Variants in CATSPERT observed in about 807,000 individuals in gnomAD.
CATSPERT encodes cation channel sperm-associated targeting subunit tau.
the CATSPERT span, chr2:201,603,329 G>C: frequency 4.0e-6 from 6 of 1,505,834 alleles, no homozygotes; most frequent in South Asian, 6.0e-5. Flanking sequence ...AAAGTTAACT[G>C]TTCTTTCACT....
At chr2:201,527,563 A>G in the CATSPERT span, among the ~76,000 whole-genome samples, 1 of 152,232 alleles carries the variant, frequency 6.6e-6, no homozygotes, top group Admixed American at 6.5e-5. Flanking sequence ...AAACAGACAC[A>G]TAGACCAATG....
the CATSPERT span, among the ~76,000 whole-genome samples, chr2:201,497,258 T>C: frequency 6.6e-6 from 1 of 152,226 alleles, no homozygotes; most frequent in Non-Finnish European, 1.5e-5. Flanking sequence ...CTCTGCAAGT[T>C]GCTCAATATT....
At chr2:201,614,514 G>C in the CATSPERT span, among the ~76,000 whole-genome samples, 1 of 152,192 alleles carries the variant, frequency 6.6e-6, no homozygotes, top group Non-Finnish European at 1.5e-5. Context: ...AATGCTGAGA[G>C]ATTTTGTCAC....
At chr2:201,531,270 A>G in the CATSPERT span, among the ~76,000 whole-genome samples, 1 of 151,840 alleles carries the variant, frequency 6.6e-6, no homozygotes, top group South Asian at 2.1e-4. Flanking sequence ...ACCCTGCAGT[A>G]TTTTTAACTA....
At chr2:201,532,019 C>T in the CATSPERT span, among the ~76,000 whole-genome samples, 3 of 152,132 alleles carry the variant, frequency 2.0e-5, no homozygotes, top group Non-Finnish European at 4.4e-5. Flanking sequence ...GCTTTTATAG[C>T]AGACAGGAGA....
chr2:201,618,927 C>A, the CATSPERT span: 1 of 1,613,898 alleles, frequency 6.2e-7, no homozygotes. Context: ...CGGTGCCCTC[C>A]TGGTTCTTGT....
chr2:201,616,630 C>A, the CATSPERT span, among the ~76,000 whole-genome samples: 5,130 of 152,262 alleles, frequency 0.034, 97 homozygotes, highest in Non-Finnish European at 0.042. Flanking sequence ...TGGAAGCATT[C>A]CCTTTGAAAA....
chr2:201,594,192 A>C, the CATSPERT span, among the ~76,000 whole-genome samples: 1 of 152,200 alleles, frequency 6.6e-6, no homozygotes, highest in African/African-American at 2.4e-5. Flanking sequence ...AAAATCTCTC[A>C]GCATTTGCTT....
the CATSPERT span, chr2:201,494,795 C>T: frequency 7.6e-6 from 11 of 1,455,208 alleles, no homozygotes; most frequent in African/African-American, 7.1e-5. Flanking sequence ...CATTTGGTAG[C>T]AATGATTTTG....
the CATSPERT span, among the ~76,000 whole-genome samples, chr2:201,556,325 C>T: frequency 4.6e-5 from 7 of 152,060 alleles, no homozygotes; most frequent in Non-Finnish European, 8.8e-5. Context: ...CTGGCTAACA[C>T]GGTGAAACCC....
chr2:201,507,997 C>T, the CATSPERT span, among the ~76,000 whole-genome samples: 12 of 152,280 alleles, frequency 7.9e-5, no homozygotes, highest in East Asian at 5.8e-4. Context: ...GCCCCTCCCC[C>T]GACGTGGGGA....
the CATSPERT span, among the ~76,000 whole-genome samples, chr2:201,576,603 TA>T: frequency 6.6e-6 from 1 of 152,380 alleles, no homozygotes; most frequent in South Asian, 2.1e-4. Flanking sequence ...GTTTACATAC[TA>T]AGTGTACTAT....
At chr2:201,587,806 A>AG in the CATSPERT span, among the ~76,000 whole-genome samples, 1 of 152,120 alleles carries the variant, frequency 6.6e-6, no homozygotes, top group Admixed American at 6.6e-5. Flanking sequence ...AGAAACGACA[A>AG]GGGGGATATT....
chr2:201,523,599 C>T, the CATSPERT span, among the ~76,000 whole-genome samples: 1 of 152,104 alleles, frequency 6.6e-6, no homozygotes, highest in Non-Finnish European at 1.5e-5. Flanking sequence ...GTCTCCTTAC[C>T]TCTGAACAAC....
the CATSPERT span, among the ~76,000 whole-genome samples, chr2:201,579,682 G>GT: frequency 4.0e-3 from 574 of 144,600 alleles, no homozygotes; most frequent in African/African-American, 0.012. Flanking sequence ...GTGCGTTTTG[G>GT]TTTTTTTTTT....
chr2:201,594,776 C>T, the CATSPERT span, among the ~76,000 whole-genome samples: 2 of 152,098 alleles, frequency 1.3e-5, no homozygotes, highest in South Asian at 2.1e-4. Context: ...CGCATCGGCT[C>T]CTGAGGCTTC....
the CATSPERT span, among the ~76,000 whole-genome samples, chr2:201,515,207 T>G: frequency 6.2e-4 from 6 of 9,620 alleles, 1 homozygote; most frequent in African/African-American, 1.1e-3. Flanking sequence ...CCATAGTTTT[T>G]TTTTTTTTTT....
chr2:201,601,776 A>G, the CATSPERT span: 1 of 1,612,142 alleles, frequency 6.2e-7, no homozygotes, highest in Non-Finnish European at 8.5e-7. Flanking sequence ...GAACTTAATT[A>G]CAGTGTTCTT....
chr2:201,578,163 A>G, the CATSPERT span, among the ~76,000 whole-genome samples: 2 of 151,864 alleles, frequency 1.3e-5, no homozygotes, highest in African/African-American at 4.9e-5. Context: ...CATAAGTAGT[A>G]AAGCTATGAA....
Sources: gnomAD v4.1 joint callset for allele counts (sites outside exome capture counted in the v4.1 genomes callset) on GRCh38, gnomAD v4.1.1 for gene constraint, MANE v1.5 for transcripts, NCBI Gene and HGNC (gene_info 2026-07-23, HGNC 2026-07-21) for gene names.